CEP57L1: variants seen among roughly 807,000 people sequenced by gnomAD.
CEP57L1 encodes the protein centrosomal protein CEP57L1.
Under a neutral mutation model 61.0 loss-of-function variants are expected in CEP57L1, and 37 were observed. The ratio of observed to expected loss-of-function variants is 0.61; its 90% CI spans 0.47 to 0.80. The LOEUF is 0.80. CEP57L1 is among the 30% of genes least tolerant of loss of function. The pLI, the probability that CEP57L1 is intolerant of heterozygous loss-of-function variation, is 0.00. For synonymous variants in CEP57L1, 137 were observed against 162.3 expected (o/e 0.84, Z 1.19); for missense variants, 422 against 524.7 (o/e 0.80, Z 1.91).
At chr6:109,128,540 T>C (rs556774408) in intron 1 of CEP57L1, among the ~76,000 whole-genome samples, 1 of 152,366 alleles carries the variant, frequency 6.6e-6, no homozygotes, top group Non-Finnish European at 1.5e-5. Context: ...TAAAGCCGTC[T>C]GAATGAACTT....
chr6:109,095,178 C>T (rs1215005932), upstream of CEP57L1: 1 of 985,550 alleles, frequency 1.0e-6, no homozygotes, highest in African/African-American at 1.7e-5. Flanking sequence ...CCCCCGGAGG[C>T]GCTAAGCTTG....
Position 109,155,386 on chromosome 6 carries a change from A to G in CEP57L1, c.657+79A>G, listed in dbSNP as rs569606958. 7.5e-5 allele frequency: 54 copies of G among 724,796 alleles called. 2 individuals are homozygous for G. In the Admixed American group the frequency reaches 7.6e-4, roughly 10 times the overall value. The allele number at this position is 724,796 out of a possible 1,614,324, so 44.9% of individuals were successfully genotyped here. A position where few individuals can be genotyped will look rare whatever the true frequency, so the allele number is the denominator to read the frequency against. Reference sequence around the variant, plus strand: ...TTTTTATTTTCATTAACTGAAGCCTATGTTCTAGATTCTAATTTCTGCTTC... The same window carrying G: ...TTTTTATTTTCATTAACTGAAGCCTGTGTTCTAGATTCTAATTTCTGCTTC... On this transcript the variant is annotated intron_variant, in intron 6 of 10. Transcript: ENST00000517392.
intron 1 of CEP57L1, among the ~76,000 whole-genome samples, chr6:109,100,037 C>T (rs1019251463): frequency 1.3e-5 from 2 of 152,190 alleles, no homozygotes; most frequent in African/African-American, 4.8e-5. Context: ...AGACCTATTG[C>T]ACCGTAAACC....
At chr6:109,120,804 A>G (rs191761968) in intron 1 of CEP57L1, among the ~76,000 whole-genome samples, 20 of 152,242 alleles carry the variant, frequency 1.3e-4, no homozygotes, top group African/African-American at 4.6e-4. Context: ...CTATGAAACC[A>G]TTATTCCCTT....
intron 1 of CEP57L1, among the ~76,000 whole-genome samples, chr6:109,130,163 C>T (rs1239728510): frequency 6.6e-6 from 1 of 152,074 alleles, no homozygotes; most frequent in East Asian, 1.9e-4. Context: ...GTTATGCAAC[C>T]AATCTCTAAA....
At chr6:109,158,920 C>A in intron 7 of CEP57L1, 105 bp from the exon 8 acceptor site, 1 of 1,133,358 alleles carries the variant, frequency 8.8e-7, no homozygotes, top group Non-Finnish European at 1.3e-6. Context: ...GTCTTTTGCC[C>A]ATTTTCCAGT....
chr6:109,135,362 T>C lies in CEP57L1; in HGVS notation c.-3-9857T>C, dbSNP rs533656221. Among the ~76,000 whole-genome samples the C allele has an allele frequency of 5.9e-5, 9 of 152,320 alleles. No homozygotes were observed. The East Asian group carries it at 1.7e-3, about 29-fold the overall frequency. ...GTGCTGGGAAAACTGGCTAGCCATA[T>C]GTAGAAAGCTGAAACTGGATCCCTT... On this transcript the variant is annotated intron_variant, in intron 1 of 10. Transcript: ENST00000517392.
In CEP57L1 at chr6:109,163,692, T is replaced by C. The variant is rs1188410301; in HGVS notation, c.*722T>C. ...GCATTGTATGTAATGTCCATCAGTA[T>C]AAATTGAGACTGTGAATTTCTAGGA... On this transcript the variant is annotated 3_prime_UTR_variant, in exon 11 of 11. Transcript: ENST00000517392. 1 of 152,168 alleles carries C rather than the reference T, an allele frequency of 6.6e-6. No individual in the cohort carries two copies. The highest frequency in any genetic ancestry group is 6.5e-5 in the Admixed American group (1 of 15,268). 9.4% of individuals were successfully genotyped at this position (152,168 alleles called of 1,614,324 possible).
chr6:109,101,788 G>T lies in CEP57L1; in HGVS notation c.-4+6213G>T, dbSNP rs189347016. On this transcript the variant is annotated intron_variant, in intron 1 of 10. Coordinates refer to ENST00000517392, the MANE Select transcript of CEP57L1 (RefSeq NM_001271852.3). ...GCGCCCGCCACCGCGCCCGGCTAAT[G>T]TTTTGTATTTTTAGTAGAGACGGGG... Among the ~76,000 whole-genome samples the T allele has an allele frequency of 8.3e-3, 1,262 of 151,524 alleles. 24 individuals carry two copies. Among genetic ancestry groups the T allele is most frequent in the African/African-American group, 0.029 (1,210 of 41,302 alleles).
chr6:109,127,975 G>C (rs1187444158), intron 1 of CEP57L1, among the ~76,000 whole-genome samples: 1 of 152,062 alleles, frequency 6.6e-6, no homozygotes, highest in African/African-American at 2.4e-5. Flanking sequence ...CAACACATCT[G>C]AGGAGGACTA....
chr6:109,151,847 T>C (rs1772647236), intron 4 of CEP57L1, among the ~76,000 whole-genome samples: 2 of 152,226 alleles, frequency 1.3e-5, no homozygotes, highest in Admixed American at 6.5e-5. Flanking sequence ...CTGGATCTCA[T>C]AGTTTCTAAT....
chr6:109,161,954 A>G (rs1340011952), intron 10 of CEP57L1, among the ~76,000 whole-genome samples: 2 of 152,128 alleles, frequency 1.3e-5, no homozygotes, highest in African/African-American at 4.8e-5. Context: ...CTCAAGTGAA[A>G]TAGCTTAAGT....
Position 109,159,443 on chromosome 6 carries a change from G to T in CEP57L1, c.997G>T (p.Glu333Ter). ...TGAACTTTTGATGGCAATGCAAGATGAGCTGGACCAAATGAGCATGTAAGT... is the reference window on the plus strand; with the variant it reads ...TGAACTTTTGATGGCAATGCAAGATTAGCTGGACCAAATGAGCATGTAAGT... ...LSELLMAMQD[E>*]LDQMSMEHQE... Residue 333 changes from glutamate (E) to a stop codon, truncating the protein, a stop_gained, in exon 9 of 11, where the codon GAG becomes TAG. Coordinates refer to ENST00000517392, the MANE Select transcript of CEP57L1 (RefSeq NM_001271852.3). LOFTEE classifies it high-confidence loss of function. 1 of 1,613,412 alleles carries T rather than the reference G, an allele frequency of 6.2e-7. No homozygotes were observed. Among genetic ancestry groups the T allele is most frequent in the Admixed American group, 1.7e-5 (1 of 59,948 alleles).
At chr6:109,126,002 A>G (rs1395204885) in intron 1 of CEP57L1, among the ~76,000 whole-genome samples, 1 of 152,178 alleles carries the variant, frequency 6.6e-6, no homozygotes, top group Non-Finnish European at 1.5e-5. Flanking sequence ...AAGTTAGGAC[A>G]GTATTTACTG....
At chr6:109,150,065 A>G in intron 3 of CEP57L1, 53 bp from the exon 4 acceptor site, 1 of 1,131,152 alleles carries the variant, frequency 8.8e-7, no homozygotes. Flanking sequence ...TCATCTGCAA[A>G]CAGGGACAAT....
At position 109,135,735 on chromosome 6, in the gene CEP57L1, G is replaced by C. The variant is rs192533724; in HGVS notation, c.-3-9484G>C. Among the ~76,000 whole-genome samples the C allele has an allele frequency of 8.3e-3, 1,269 of 152,098 alleles. 23 individuals are homozygous for C. The highest frequency in any genetic ancestry group is 0.029 in the African/African-American group (1,213 of 41,498). On this transcript the variant is annotated intron_variant, in intron 1 of 10. Coordinates refer to ENST00000517392, the MANE Select transcript of CEP57L1 (RefSeq NM_001271852.3). ...ATTTACAAGAAAAAAACAAACAGCC[G>C]CATCAACAAGTGGGCAAAGGATATG...
Position 109,174,388 on chromosome 6 carries a change from T to C in CEP57L1, c.*11418T>C, listed in dbSNP as rs1774547503. Among the ~76,000 whole-genome samples the C allele has an allele frequency of 6.6e-6, 1 of 152,226 alleles. No homozygotes were observed. Reference sequence around the variant, plus strand: ...TCTGTAAAGTTTCTACCCTTTGCTCTAAAGTTACATAAAAACAATTTCCAA... The same window carrying C: ...TCTGTAAAGTTTCTACCCTTTGCTCCAAAGTTACATAAAAACAATTTCCAA... On this transcript the variant is annotated 3_prime_UTR_variant, in exon 11 of 11. Transcript: ENST00000517392.
At chr6:109,151,035 A>C (rs1241170508) in intron 4 of CEP57L1, among the ~76,000 whole-genome samples, 1 of 152,194 alleles carries the variant, frequency 6.6e-6, no homozygotes, top group African/African-American at 2.4e-5. Context: ...ATCTAAATTA[A>C]TATTATATAA....
intron 1 of CEP57L1, among the ~76,000 whole-genome samples, chr6:109,125,549 CTCTG>C (rs1583473726): frequency 6.9e-6 from 1 of 145,756 alleles, no homozygotes; most frequent in African/African-American, 2.6e-5. Context: ...AGTTTCTGAA[CTCTG>C]TCTGTCTTTA....
Sources: gnomAD v4.1 joint callset for allele counts (sites outside exome capture counted in the v4.1 genomes callset) on GRCh38, gnomAD v4.1.1 for gene constraint, MANE v1.5 for transcripts, NCBI Gene and HGNC (gene_info 2026-07-23, HGNC 2026-07-21) for gene names.